Variants in AGBL4 observed in about 807,000 individuals in gnomAD.
The protein encoded by AGBL4 is AGBL carboxypeptidase 4, also known as cytosolic carboxypeptidase 6.
A neutral mutation model predicts 66.4 loss-of-function variants in AGBL4; 58 were observed. The observed-to-expected ratio is 0.87, with a 90% confidence interval of 0.71 to 1.09. The LOEUF is 1.09. Ranked by LOEUF, AGBL4 falls within the 50% of genes least tolerant of loss-of-function variation. The probability of loss-of-function intolerance (pLI) is 0.00; values close to 1 mark genes in which losing one functional copy is unlikely to be tolerated. For synonymous variants in AGBL4, 234 were observed against 222.9 expected (o/e 1.05, Z -0.44); for missense variants, 579 against 631.0 (o/e 0.92, Z 0.88).
intron 4 of AGBL4, among the ~76,000 whole-genome samples, chr1:49,188,243 C>G (rs1647050821): frequency 6.6e-6 from 1 of 152,228 alleles, no homozygotes; most frequent in South Asian, 2.1e-4. Flanking sequence ...TCATCTCCTC[C>G]TTCCTCTGCC....
intron 1 of AGBL4, among the ~76,000 whole-genome samples, chr1:49,935,424 G>C (rs934150984): frequency 2.1e-4 from 32 of 152,204 alleles, no homozygotes. Flanking sequence ...CAAACAAAAA[G>C]ACAGCAGTAA....
At chr1:49,082,980 T>A (rs1301975659) in intron 4 of AGBL4, among the ~76,000 whole-genome samples, 2 of 152,242 alleles carry the variant, frequency 1.3e-5, no homozygotes, top group Non-Finnish European at 2.9e-5. Context: ...AGCAGGGCAG[T>A]GAAATCTTAA....
chr1:49,475,334 T>C (rs1403547500), intron 3 of AGBL4, among the ~76,000 whole-genome samples: 1 of 152,078 alleles, frequency 6.6e-6, no homozygotes, highest in African/African-American at 2.4e-5. Flanking sequence ...TGCATTCAGT[T>C]TGATAGTATT....
intron 6 of AGBL4, among the ~76,000 whole-genome samples, chr1:48,838,545 G>A (rs1440351869): frequency 1.3e-5 from 2 of 152,060 alleles, no homozygotes; most frequent in African/African-American, 4.8e-5. Context: ...ATAAAAATAG[G>A]TTAAAGATGT....
intron 3 of AGBL4, among the ~76,000 whole-genome samples, chr1:49,662,818 A>T (rs1310730059): frequency 6.6e-6 from 1 of 152,170 alleles, no homozygotes; most frequent in Non-Finnish European, 1.5e-5. Flanking sequence ...GAATGAAAGA[A>T]TCAGGCAGTT....
At position 48,587,613 on chromosome 1, in the gene AGBL4, ATTATTTTAT is replaced by A. The variant is rs1225152621; in HGVS notation, c.1105-456_1105-448del. On this transcript the variant is annotated intron_variant, in intron 10 of 13. Transcript: ENST00000371839. ...CCATGTCTCTATTCTTTTTATTATT[ATTATTTTAT>A]TTATTTTATTTTATTTTATTTTATT... Among the ~76,000 whole-genome samples the A allele has an allele frequency of 2.1e-5, 3 of 146,182 alleles. No homozygotes were observed. In the East Asian group the frequency reaches 5.8e-4, roughly 28 times the overall value.
At chr1:49,820,370 A>G (rs1031105499) in intron 2 of AGBL4, among the ~76,000 whole-genome samples, 19 of 152,284 alleles carry the variant, frequency 1.2e-4, no homozygotes, top group African/African-American at 3.8e-4. Context: ...TTAACTGCCA[A>G]TTTCATTTAA....
At chr1:49,748,829 C>T (rs954117263) in intron 2 of AGBL4, among the ~76,000 whole-genome samples, 1 of 152,114 alleles carries the variant, frequency 6.6e-6, no homozygotes, top group Non-Finnish European at 1.5e-5. Context: ...CCGTTCATAT[C>T]CTTCACCCAC....
chr1:48,802,315 C>A (rs762963881), intron 6 of AGBL4, among the ~76,000 whole-genome samples: 2 of 152,122 alleles, frequency 1.3e-5, no homozygotes, highest in Admixed American at 1.3e-4. Flanking sequence ...TCCCAGGGAG[C>A]CTTCCAGGAA....
At chr1:49,367,454 T>TA (rs1474163999) in intron 3 of AGBL4, among the ~76,000 whole-genome samples, 1 of 152,242 alleles carries the variant, frequency 6.6e-6, no homozygotes, top group Non-Finnish European at 1.5e-5. Flanking sequence ...TGACCAGAAG[T>TA]ACATGTTTGT....
At chr1:49,142,362 G>A (rs891964814) in intron 4 of AGBL4, among the ~76,000 whole-genome samples, 2 of 152,058 alleles carry the variant, frequency 1.3e-5, no homozygotes, top group African/African-American at 2.4e-5. Context: ...AACATATAGA[G>A]AAGAATGGCA....
intron 4 of AGBL4, among the ~76,000 whole-genome samples, chr1:49,235,591 AG>A (rs1290754126): frequency 6.6e-6 from 1 of 152,228 alleles, no homozygotes; most frequent in Non-Finnish European, 1.5e-5. Flanking sequence ...CCCAGATGAA[AG>A]ACTATGAATA....
chr1:49,000,652 T>C (rs1204885758), intron 5 of AGBL4, among the ~76,000 whole-genome samples: 1 of 152,184 alleles, frequency 6.6e-6, no homozygotes, highest in Non-Finnish European at 1.5e-5. Flanking sequence ...GTGAAGACCA[T>C]TTCAACTATT....
chr1:49,106,526 C>T (rs1326239245), intron 4 of AGBL4, among the ~76,000 whole-genome samples: 2 of 152,134 alleles, frequency 1.3e-5, no homozygotes, highest in African/African-American at 4.8e-5. Flanking sequence ...GAGGTAGGCA[C>T]ATGGCTGTGT....
At chr1:48,959,547 G>T (rs778285108) in intron 5 of AGBL4, among the ~76,000 whole-genome samples, 7 of 152,130 alleles carry the variant, frequency 4.6e-5, no homozygotes, top group Admixed American at 2.0e-4. Context: ...GAGTAAGAGA[G>T]ACTGGAAATG....
chr1:48,660,792 C>T (rs1448319741), intron 7 of AGBL4, among the ~76,000 whole-genome samples: 4 of 152,026 alleles, frequency 2.6e-5, no homozygotes, highest in Admixed American at 1.3e-4. Context: ...CCTGAGGCTC[C>T]GCATCCTGAT....
At chr1:48,658,930 C>G (rs1240748810) in intron 7 of AGBL4, among the ~76,000 whole-genome samples, 1 of 152,036 alleles carries the variant, frequency 6.6e-6, no homozygotes, top group East Asian at 1.9e-4. Flanking sequence ...AGTGAACTTC[C>G]TGGGAGAGGG....
chr1:49,129,683 T>C (rs1363727815), intron 4 of AGBL4, among the ~76,000 whole-genome samples: 1 of 152,174 alleles, frequency 6.6e-6, no homozygotes, highest in East Asian at 1.9e-4. Context: ...ATGGTGTATA[T>C]GTGCCAGATT....
At chr1:49,436,080 G>T (rs1392429516) in intron 3 of AGBL4, among the ~76,000 whole-genome samples, 1 of 152,178 alleles carries the variant, frequency 6.6e-6, no homozygotes, top group East Asian at 1.9e-4. Flanking sequence ...TGAAATTTGA[G>T]CTGAACAATA....
Sources: allele counts gnomAD v4.1 joint callset (sites outside exome capture counted in the v4.1 genomes callset), GRCh38; gene constraint gnomAD v4.1.1; transcripts MANE v1.5; gene names NCBI Gene and HGNC (gene_info 2026-07-23, HGNC 2026-07-21).